SMYD3: variants seen among roughly 807,000 people sequenced by gnomAD.
The protein encoded by SMYD3 is SET and MYND domain containing 3.
Under a neutral mutation model 57.7 loss-of-function variants are expected in SMYD3, and 36 were observed. The ratio of observed to expected loss-of-function variants is 0.62; its 90% CI spans 0.48 to 0.82. The LOEUF (loss-of-function observed/expected upper bound fraction) is 0.82. SMYD3 is among the 40% of genes least tolerant of loss of function. The pLI is 0.00. For synonymous variants in SMYD3, 211 were observed against 195.0 expected (o/e 1.08, Z -0.68); for missense variants, 515 against 538.8 (o/e 0.96, Z 0.44).
At chr1:246,337,993 A>G (rs2065572329) in intron 2 of SMYD3, among the ~76,000 whole-genome samples, 1 of 152,170 alleles carries the variant, frequency 6.6e-6, no homozygotes, top group Non-Finnish European at 1.5e-5. Flanking sequence ...AATAACTAGA[A>G]ACTAGACAAA....
chr1:246,049,242 A>C (rs2060021718), intron 5 of SMYD3, among the ~76,000 whole-genome samples: 1 of 152,136 alleles, frequency 6.6e-6, no homozygotes, highest in Admixed American at 6.5e-5. Flanking sequence ...AGACTTATCA[A>C]AGCCACCTCA....
intron 1 of SMYD3, among the ~76,000 whole-genome samples, chr1:246,470,978 TTATG>T (rs2067954058): frequency 6.6e-6 from 1 of 151,954 alleles, no homozygotes; most frequent in African/African-American, 2.4e-5. Flanking sequence ...TAAATAATAT[TTATG>T]TATGTGTGTT....
At chr1:246,224,145 A>G (rs1223096510) in intron 5 of SMYD3, among the ~76,000 whole-genome samples, 5 of 152,122 alleles carry the variant, frequency 3.3e-5, no homozygotes. Context: ...CATAAAGCTC[A>G]GAGACGATGA....
chr1:245,764,255 A>G (rs1233472306), intron 10 of SMYD3, 106 bp from the exon 11 acceptor site: 5 of 722,882 alleles, frequency 6.9e-6, no homozygotes, highest in Admixed American at 2.2e-5. Flanking sequence ...GTGAATGTTA[A>G]TGAGCTACTG....
In SMYD3 at chr1:246,470,685, G is replaced by A. The variant is rs1437547556; in HGVS notation, c.164+36369C>T. On this transcript the variant is annotated intron_variant, in intron 1 of 11. Transcript: ENST00000490107. ...CAGTGCATATGTGTGTATATATATA[G>A]TGCATATGTATGTGCATATATATAT... Among the ~76,000 whole-genome samples the A allele has an allele frequency of 2.0e-5, 3 of 150,906 alleles. No homozygotes were observed. The East Asian group carries it at 5.8e-4, about 29-fold the overall frequency.
chr1:246,191,154 G>A (rs2062732181), intron 5 of SMYD3, among the ~76,000 whole-genome samples: 1 of 152,212 alleles, frequency 6.6e-6, no homozygotes, highest in African/African-American at 2.4e-5. Flanking sequence ...ACCAATTAAA[G>A]ACCAACTATC....
intron 10 of SMYD3, among the ~76,000 whole-genome samples, chr1:245,829,559 A>G (rs1390177782): frequency 6.6e-6 from 1 of 152,184 alleles, no homozygotes; most frequent in African/African-American, 2.4e-5. Context: ...AAAATTATGC[A>G]CCCACTTTGG....
chr1:246,438,790 C>T (rs2067419398), intron 1 of SMYD3, among the ~76,000 whole-genome samples: 1 of 151,320 alleles, frequency 6.6e-6, no homozygotes, highest in Non-Finnish European at 1.5e-5. Flanking sequence ...ATCATCCGAT[C>T]ATCAGGCATT....
chr1:246,327,243 A>G lies in SMYD3; in HGVS notation c.489T>C (p.Ser163=). ...HFMREEIQDA[S]QLPPAFDLFE... ...AAAGGTCAAAGGCAGGTGGCAGCTG[A>G]GAGGCATCCTGTATTTCTTCTCTCA... is the stretch of plus-strand genomic sequence containing the variant. The change falls in exon 5 of 12, where the codon TCT becomes TCC. Residue 163 remains serine, a synonymous_variant. Coordinates refer to ENST00000490107, the MANE Select transcript of SMYD3 (RefSeq NM_001167740.2). The G allele has an allele frequency of 6.2e-7, 1 of 1,614,160 alleles. No homozygotes were observed. The highest frequency in any genetic ancestry group is 8.5e-7 in the Non-Finnish European group (1 of 1,180,006).
At position 245,915,434 on chromosome 1, in the gene SMYD3, T is replaced by C. The variant is rs1479507653; in HGVS notation, c.813+96A>G. 20 of 715,860 alleles carry C rather than the reference T, an allele frequency of 2.8e-5. No individual in the cohort carries two copies. In the Admixed American group the frequency reaches 4.1e-4, roughly 15 times the overall value. 44.3% of individuals were successfully genotyped at this position (715,860 alleles called of 1,614,324 possible). ...TCTGTTTCCTACCATGTACTGAGGG[T>C]CATTACTTTTGGGTTTATGAAATCT... On this transcript the variant is annotated intron_variant, in intron 8 of 11. Coordinates refer to ENST00000490107, the MANE Select transcript of SMYD3 (RefSeq NM_001167740.2).
intron 5 of SMYD3, among the ~76,000 whole-genome samples, chr1:246,316,361 GTTT>G (rs746235263): frequency 1.5e-5 from 2 of 133,430 alleles, no homozygotes; most frequent in Non-Finnish European, 1.6e-5. Flanking sequence ...GTCTTCATGG[GTTT>G]TTTTTTTTTT....
At chr1:246,383,335 C>T (rs908817188) in intron 1 of SMYD3, among the ~76,000 whole-genome samples, 11 of 152,118 alleles carry the variant, frequency 7.2e-5, no homozygotes, top group Non-Finnish European at 1.3e-4. Context: ...TTTCTGAGAA[C>T]GTTCTCCTCC....
intron 2 of SMYD3, among the ~76,000 whole-genome samples, chr1:246,353,014 C>T (rs998998163): frequency 8.5e-5 from 13 of 152,152 alleles, no homozygotes; most frequent in African/African-American, 2.4e-4. Flanking sequence ...CTGAGCTTCA[C>T]GTGAATAAAA....
intron 5 of SMYD3, among the ~76,000 whole-genome samples, chr1:246,247,465 CTATATA>C (rs200687230): frequency 8.9e-6 from 1 of 111,906 alleles, no homozygotes; most frequent in African/African-American, 3.5e-5. Context: ...CTCTCTCTCT[CTATATA>C]TATATATATA....
At chr1:245,774,084 A>G (rs973676491) in intron 10 of SMYD3, among the ~76,000 whole-genome samples, 24 of 152,212 alleles carry the variant, frequency 1.6e-4, no homozygotes, top group Admixed American at 1.4e-3. Flanking sequence ...AAATATTCTA[A>G]AAAGCAGTAA....
At chr1:246,419,536 G>A (rs546678910) in intron 1 of SMYD3, among the ~76,000 whole-genome samples, 1 of 152,188 alleles carries the variant, frequency 6.6e-6, no homozygotes, top group Non-Finnish European at 1.5e-5. Context: ...AAAGGCAGAA[G>A]TGCTTGTCCT....
intron 5 of SMYD3, among the ~76,000 whole-genome samples, chr1:246,307,392 G>A (rs1338626691): frequency 6.7e-6 from 1 of 148,252 alleles, no homozygotes; most frequent in Non-Finnish European, 1.5e-5. Context: ...GAAGAACCCT[G>A]CTCTCATAAA....
intron 10 of SMYD3, among the ~76,000 whole-genome samples, chr1:245,855,860 G>C (rs2051212686): frequency 2.0e-5 from 3 of 152,186 alleles, no homozygotes; most frequent in Non-Finnish European, 4.4e-5. Flanking sequence ...CATCAAGAAA[G>C]ACTTGACCTC....
intron 5 of SMYD3, among the ~76,000 whole-genome samples, chr1:246,071,801 TCGTGTGCTTTC>T (rs2060451853): frequency 6.6e-6 from 1 of 151,234 alleles, no homozygotes; most frequent in Non-Finnish European, 1.5e-5. Flanking sequence ...GGGGAGGGAT[TCGTGTGCTTTC>T]CACTGTGCTC....
Sources: gnomAD v4.1 joint callset for allele counts (sites outside exome capture counted in the v4.1 genomes callset) on GRCh38, gnomAD v4.1.1 for gene constraint, MANE v1.5 for transcripts, NCBI Gene and HGNC (gene_info 2026-07-23, HGNC 2026-07-21) for gene names.